CHMP3: variants seen among roughly 807,000 people sequenced by gnomAD.
CHMP3 encodes the protein 25.1 protein.
A neutral mutation model predicts 27.4 loss-of-function variants in CHMP3; 8 were observed. The ratio of observed to expected loss-of-function variants is 0.29; its 90% CI spans 0.17 to 0.53. The LOEUF (loss-of-function observed/expected upper bound fraction) is 0.53, where lower values mean the gene tolerates loss of function less well. Ranked by LOEUF, CHMP3 falls within the 20% of genes least tolerant of loss-of-function variation. CHMP3 has a pLI of 0.96. For synonymous variants in CHMP3, 86 were observed against 85.5 expected (o/e 1.01, Z -0.03); for missense variants, 208 against 271.5 (o/e 0.77, Z 1.64).
chr2:86,544,651 C>G (rs946242123), intron 1 of CHMP3, among the ~76,000 whole-genome samples: 7 of 152,074 alleles, frequency 4.6e-5, no homozygotes, highest in Admixed American at 1.3e-4. Flanking sequence ...CAGAGAGCAC[C>G]GGGTTTGGGG....
chr2:86,534,904 G>A (rs1270549222), intron 2 of CHMP3, among the ~76,000 whole-genome samples: 2 of 152,128 alleles, frequency 1.3e-5, no homozygotes, highest in African/African-American at 4.8e-5. Context: ...ATAATATTAT[G>A]TTTTGTAAAA....
At chr2:86,548,220 T>G (rs1387487022) in intron 1 of CHMP3, among the ~76,000 whole-genome samples, 1 of 149,878 alleles carries the variant, frequency 6.7e-6, no homozygotes, top group East Asian at 1.9e-4. Flanking sequence ...TGATCATTCT[T>G]GGGTGTTTCT....
chr2:86,559,816 G>T (rs1260395917), intron 1 of CHMP3, among the ~76,000 whole-genome samples: 1 of 152,142 alleles, frequency 6.6e-6, no homozygotes, highest in African/African-American at 2.4e-5. Flanking sequence ...GCAGGAAGAG[G>T]ATGGAACACA....
In CHMP3 at chr2:86,563,437, A is replaced by G. The variant is rs1677481297; in HGVS notation, c.-89T>C. On this transcript the variant is annotated 5_prime_UTR_variant, in exon 1 of 6. Transcript: ENST00000263856. The stretch of plus-strand genomic sequence containing the variant: ...CAGCCGCCTGGGCGGGGCCCGCGGA[A>G]AAGGAGGTAGTCCCAACCCCCAGAG... 2.6e-6 allele frequency: 4 copies of G among 1,527,912 alleles called. No homozygotes were observed. The South Asian group carries it at 3.4e-5, about 13-fold the overall frequency. 94.6% of individuals were successfully genotyped at this position (1,527,912 alleles called of 1,614,324 possible).
At chr2:86,520,422 A>C (rs1675478950) in intron 3 of CHMP3, among the ~76,000 whole-genome samples, 1 of 152,004 alleles carries the variant, frequency 6.6e-6, no homozygotes, top group African/African-American at 2.4e-5. Context: ...CTTTCAAACA[A>C]CCAGATCATG....
At chr2:86,520,725 A>G (rs529299393) in intron 3 of CHMP3, among the ~76,000 whole-genome samples, 1 of 152,204 alleles carries the variant, frequency 6.6e-6, no homozygotes, top group South Asian at 2.1e-4. Context: ...AGGTACTCCA[A>G]TCAAAGCACA....
At chr2:86,506,348 T>C (rs1674888238) in intron 5 of CHMP3, among the ~76,000 whole-genome samples, 1 of 152,192 alleles carries the variant, frequency 6.6e-6, no homozygotes. Flanking sequence ...ATTTTTTTAA[T>C]TAAACATAAA....
chr2:86,531,468 C>T (rs1436957117), intron 2 of CHMP3, among the ~76,000 whole-genome samples: 1 of 152,106 alleles, frequency 6.6e-6, no homozygotes, highest in African/African-American at 2.4e-5. Flanking sequence ...TACTCCTGGC[C>T]TCAACTGGTC....
intron 1 of CHMP3, among the ~76,000 whole-genome samples, chr2:86,549,839 C>T (rs1004219027): frequency 1.4e-4 from 21 of 149,118 alleles, no homozygotes; most frequent in Admixed American, 1.4e-3. Context: ...CGGGAAGAGG[C>T]GCTCCTCGCC....
intron 1 of CHMP3, among the ~76,000 whole-genome samples, chr2:86,560,609 T>C (rs577786373): frequency 1.3e-5 from 2 of 151,674 alleles, no homozygotes; most frequent in Non-Finnish European, 2.9e-5. Context: ...CTAATGTAGG[T>C]GACCAGTTGA....
intron 4 of CHMP3, among the ~76,000 whole-genome samples, 187 bp from the exon 5 acceptor site, chr2:86,507,780 G>C (rs1315342439): frequency 6.6e-6 from 1 of 152,130 alleles, no homozygotes; most frequent in Non-Finnish European, 1.5e-5. Context: ...GCCCCAAAGG[G>C]AAACGGCTCT....
chr2:86,517,875 G>T (rs1675379053), intron 3 of CHMP3, among the ~76,000 whole-genome samples: 1 of 152,030 alleles, frequency 6.6e-6, no homozygotes, highest in South Asian at 2.1e-4. Flanking sequence ...CAAAAAACTA[G>T]CTGGGTGAGG....
At chr2:86,557,138 T>G (rs923437064) in intron 1 of CHMP3, among the ~76,000 whole-genome samples, 2 of 152,226 alleles carry the variant, frequency 1.3e-5, no homozygotes, top group Admixed American at 6.5e-5. Context: ...GAGCTCTGGC[T>G]CCTTCTCCTC....
At chr2:86,516,988 G>C (rs189645415) in intron 3 of CHMP3, among the ~76,000 whole-genome samples, 1 of 152,218 alleles carries the variant, frequency 6.6e-6, no homozygotes, top group Admixed American at 6.5e-5. Flanking sequence ...TTGTACTCTG[G>C]TTTTGCAAGA....
chr2:86,542,023 A>G (rs1676379356), intron 2 of CHMP3, among the ~76,000 whole-genome samples: 1 of 152,158 alleles, frequency 6.6e-6, no homozygotes, highest in Non-Finnish European at 1.5e-5. Context: ...ATTTCTTTAT[A>G]AGTAGCAAGA....
chr2:86,540,577 G>C (rs1007979219), intron 2 of CHMP3: 5 of 152,000 alleles, frequency 3.3e-5, no homozygotes, highest in African/African-American at 1.2e-4. Context: ...ATGTTCATTT[G>C]AACATTTTGG....
intron 2 of CHMP3, among the ~76,000 whole-genome samples, chr2:86,532,975 TTTCTTGAAG>T (rs1356817742): frequency 2.6e-5 from 4 of 152,242 alleles, no homozygotes; most frequent in African/African-American, 9.6e-5. Flanking sequence ...TTCTCTTCAA[TTTCTTGAAG>T]TTTGAGAAGC....
chr2:86,552,931 C>T (rs183486278), intron 1 of CHMP3, among the ~76,000 whole-genome samples: 137 of 151,536 alleles, frequency 9.0e-4, no homozygotes, highest in African/African-American at 1.3e-3. Context: ...TGCATGTTCT[C>T]GCTTATAAGT....
chr2:86,542,341 G>A (rs1174316099), intron 1 of CHMP3, 29 bp from the exon 2 acceptor site: 2 of 1,602,830 alleles, frequency 1.2e-6, no homozygotes, highest in Non-Finnish European at 1.7e-6. Flanking sequence ...AAGGAATGAG[G>A]AGAAAAGCCG....
Sources: allele counts gnomAD v4.1 joint callset (sites outside exome capture counted in the v4.1 genomes callset), GRCh38; gene constraint gnomAD v4.1.1; transcripts MANE v1.5; gene names NCBI Gene and HGNC (gene_info 2026-07-23, HGNC 2026-07-21).